Variants in TAFA1 observed in about 807,000 individuals in gnomAD.
The protein encoded by TAFA1 is chemokine-like protein TAFA-1.
Under a neutral mutation model 18.5 loss-of-function variants are expected in TAFA1, and 4 were observed. That is an observed-to-expected ratio of 0.22 (90% CI 0.11 to 0.49). The LOEUF is 0.49. Ranked by LOEUF, TAFA1 falls within the 20% of genes least tolerant of loss-of-function variation. The pLI, the probability that TAFA1 is intolerant of heterozygous loss-of-function variation, is 0.98. For missense variants in TAFA1, 147 were observed against 169.0 expected, an observed-to-expected ratio of 0.87 and a Z score of 0.72; for synonymous variants, 56 against 55.2, an observed-to-expected ratio of 1.01 and a Z score of -0.06.
chr3:68,271,543 C>T (rs1353255605), intron 2 of TAFA1, among the ~76,000 whole-genome samples: 1 of 152,014 alleles, frequency 6.6e-6, no homozygotes, highest in Non-Finnish European at 1.5e-5. Flanking sequence ...TCTAAGAACC[C>T]AAAGGGAGTA....
intron 2 of TAFA1, among the ~76,000 whole-genome samples, chr3:68,198,891 A>T (rs1311897388): frequency 6.6e-6 from 1 of 151,346 alleles, no homozygotes; most frequent in Non-Finnish European, 1.5e-5. Flanking sequence ...CAACTTATCA[A>T]TTTTTTCTTT....
At chr3:68,449,785 T>C (rs1194410498) in intron 3 of TAFA1, among the ~76,000 whole-genome samples, 1 of 152,204 alleles carries the variant, frequency 6.6e-6, no homozygotes, top group Non-Finnish European at 1.5e-5. Context: ...ATTTTTCTTA[T>C]GGTGAAGATA....
At chr3:68,049,633 G>C (rs566414367) in intron 2 of TAFA1, among the ~76,000 whole-genome samples, 16 of 151,816 alleles carry the variant, frequency 1.1e-4, no homozygotes, top group African/African-American at 3.9e-4. Context: ...TCCCAATTGA[G>C]GCTGGTAGTG....
At chr3:68,402,574 C>T (rs2070518989) in intron 2 of TAFA1, among the ~76,000 whole-genome samples, 1 of 152,136 alleles carries the variant, frequency 6.6e-6, no homozygotes, top group African/African-American at 2.4e-5. Flanking sequence ...CAACACAAAT[C>T]AGAATTACTG....
At chr3:68,071,551 C>G (rs1360251724) in intron 2 of TAFA1, among the ~76,000 whole-genome samples, 1 of 152,148 alleles carries the variant, frequency 6.6e-6, no homozygotes, top group South Asian at 2.1e-4. Flanking sequence ...GAATTTGAAA[C>G]AGAACTCTGG....
intron 2 of TAFA1, among the ~76,000 whole-genome samples, chr3:68,338,740 G>A (rs142155079): frequency 6.6e-6 from 1 of 152,262 alleles, no homozygotes; most frequent in African/African-American, 2.4e-5. Flanking sequence ...TTCCACTTTA[G>A]CCTAACATCT....
In TAFA1 at chr3:68,410,454, A is replaced by G. The variant is rs1193108104; in HGVS notation, c.119-6826A>G. Among the ~76,000 whole-genome samples the G allele has an allele frequency of 3.9e-5, 6 of 152,082 alleles. No homozygotes were observed. In the East Asian group the frequency reaches 1.2e-3, roughly 29 times the overall value. On this transcript the variant is annotated intron_variant, in intron 2 of 4. Transcript: ENST00000478136. ...ATTTACTTCCTAGTTGGAAAGAACA[A>G]TGGGATCCCTTATAATGCTAGATTT...
At chr3:68,452,438 G>A (rs138359544) in intron 3 of TAFA1, among the ~76,000 whole-genome samples, 114 of 149,624 alleles carry the variant, frequency 7.6e-4, no homozygotes, top group African/African-American at 1.2e-3. Context: ...CAGGAGAATC[G>A]CGCAAACCCA....
intron 2 of TAFA1, among the ~76,000 whole-genome samples, chr3:68,370,470 GTGTATATA>G (rs1397968583): frequency 0.24 from 7,372 of 31,100 alleles, 869 homozygotes; most frequent in East Asian, 0.43. Flanking sequence ...GTGTGTGTGT[GTGTATATA>G]TATATATATA....
chr3:68,407,206 G>T (rs976752448), intron 2 of TAFA1, among the ~76,000 whole-genome samples: 11 of 152,078 alleles, frequency 7.2e-5, no homozygotes, highest in Admixed American at 6.6e-4. Flanking sequence ...GGTCAAAGAT[G>T]ATAATTTCAA....
intron 2 of TAFA1, among the ~76,000 whole-genome samples, chr3:68,015,563 T>C (rs1229696797): frequency 6.6e-6 from 1 of 152,170 alleles, no homozygotes; most frequent in Non-Finnish European, 1.5e-5. Context: ...GCTGGGATTA[T>C]AGGCGTGAGC....
chr3:68,173,992 T>C (rs1159102766), intron 2 of TAFA1, among the ~76,000 whole-genome samples: 1 of 152,218 alleles, frequency 6.6e-6, no homozygotes, highest in Non-Finnish European at 1.5e-5. Flanking sequence ...GGTTATTGAA[T>C]GTTATAAAAA....
chr3:68,281,032 T>C (rs530836744), intron 2 of TAFA1, among the ~76,000 whole-genome samples: 4 of 152,196 alleles, frequency 2.6e-5, no homozygotes, highest in African/African-American at 9.6e-5. Context: ...TATGATGGTA[T>C]GCAACTTATT....
At chr3:68,396,987 C>A (rs758197547) in intron 2 of TAFA1, among the ~76,000 whole-genome samples, 39 of 152,144 alleles carry the variant, frequency 2.6e-4, no homozygotes, top group Non-Finnish European at 5.1e-4. Context: ...CCCCAGCACT[C>A]CAATCTCCAG....
chr3:68,271,599 C>T (rs985329182), intron 2 of TAFA1, among the ~76,000 whole-genome samples: 1 of 151,954 alleles, frequency 6.6e-6, no homozygotes, highest in African/African-American at 2.4e-5. Context: ...ATAGAGAGTC[C>T]CAGGTTTTGC....
intron 2 of TAFA1, among the ~76,000 whole-genome samples, chr3:68,168,003 T>C (rs563388532): frequency 2.4e-4 from 37 of 152,280 alleles, no homozygotes; most frequent in Non-Finnish European, 4.6e-4. Context: ...TCACTTTCAA[T>C]GTCATTGTCC....
intron 2 of TAFA1, among the ~76,000 whole-genome samples, chr3:68,252,152 T>G (rs1399749737): frequency 6.6e-6 from 1 of 152,096 alleles, no homozygotes; most frequent in East Asian, 1.9e-4. Context: ...TGTCAGCAAA[T>G]CTCCCTCTCC....
intron 2 of TAFA1, among the ~76,000 whole-genome samples, chr3:68,412,354 A>C (rs1041831713): frequency 6.6e-6 from 1 of 150,400 alleles, no homozygotes; most frequent in African/African-American, 2.4e-5. Context: ...TTTCTTTTGC[A>C]TTTTAAATTT....
intron 2 of TAFA1, among the ~76,000 whole-genome samples, chr3:68,299,989 G>A (rs13067112): frequency 0.37 from 56,128 of 152,204 alleles, 10,897 homozygotes; most frequent in Non-Finnish European, 0.41. Context: ...GAGAACCTCT[G>A]CTAAGGCAGT....
Sources: gnomAD v4.1 joint callset for allele counts (sites outside exome capture counted in the v4.1 genomes callset) on GRCh38, gnomAD v4.1.1 for gene constraint, MANE v1.5 for transcripts, NCBI Gene and HGNC (gene_info 2026-07-23, HGNC 2026-07-21) for gene names.